SRRT: variants seen among roughly 807,000 people sequenced by gnomAD.
The protein encoded by SRRT is serrate, RNA effector molecule.
SRRT carries 32 observed loss-of-function variants against 103.2 expected under a neutral mutation model. That is an observed-to-expected ratio of 0.31 (90% CI 0.23 to 0.42). SRRT has a LOEUF of 0.42. Among genes scored for constraint, SRRT ranks in the 10% least tolerant of loss-of-function variants. The pLI, the probability that SRRT is intolerant of heterozygous loss-of-function variation, is 1.00. For missense variants in SRRT, 986 were observed against 1,207.5 expected, an observed-to-expected ratio of 0.82 and a Z score of 2.72; for synonymous variants, 525 against 449.0, an observed-to-expected ratio of 1.17 and a Z score of -2.14.
At position 100,886,805 on chromosome 7, in the gene SRRT, C is replaced by G; in HGVS notation, c.1658C>G (p.Ser553Trp). The change falls in exon 14 of 20, where the codon TCG becomes TGG. Residue 553 changes from serine (S) to tryptophan (W), a missense_variant. Physicochemically the swap from Ser to Trp is radical, Grantham distance 177. Coordinates refer to ENST00000611405, the MANE Select transcript of SRRT (RefSeq NM_015908.6). ...TCTTCCTCCCATCAGAGCCTGCCCT[C>G]GCAAAACCCGATCTTGAAGAATATC... is the stretch of plus-strand genomic sequence containing the variant. Reference protein sequence around the residue: ...GTPPLPTSLPSQNPILKNITD... With the variant: ...GTPPLPTSLPWQNPILKNITD... The G allele has an allele frequency of 6.2e-7, 1 of 1,614,122 alleles. No individual in the cohort carries two copies. Among genetic ancestry groups the G allele is most frequent in the Non-Finnish European group, 8.5e-7 (1 of 1,180,016 alleles).
In SRRT at chr7:100,885,023, A is replaced by G; in HGVS notation, c.1142A>G (p.Glu381Gly). The change falls in exon 9 of 20, where the codon GAG becomes GGG. Residue 381 changes from glutamate (E) to glycine (G), a missense_variant. Around this residue, in one of 6 missense-constraint regions of SRRT, gnomAD observed 166 missense variants for 148.6 expected, o/e 1.12. Transcript: ENST00000611405. This position sits in a 1 kb window ranked among gnomAD's most constrained non-coding sequence, Gnocchi z 4.8. ...ESESESGQAEEEKEEAEEALK... is the reference protein window; with the variant it reads ...ESESESGQAEGEKEEAEEALK... ...GAGTCAGAGAGCGGCCAGGCTGAGG[A>G]GGAGAAGGAGGAGGCCGGTAGGGTT... 1 of 1,613,826 alleles carries G rather than the reference A, an allele frequency of 6.2e-7. No individual in the cohort carries two copies. Among genetic ancestry groups the G allele is most frequent in the South Asian group, 1.1e-5 (1 of 91,072 alleles).
chr7:100,885,784 A>T lies in SRRT; in HGVS notation c.1379+22A>T. 6.2e-7 allele frequency: 1 copy of T among 1,614,032 alleles called. No homozygotes were observed. The highest frequency in any genetic ancestry group is 1.1e-5 in the South Asian group (1 of 91,084). ...GGAGGTGAGTAACTCGGTGCGTTGG[A>T]GGGAAAAGTGCAGGGGAACGTTAAT... On this transcript the variant is annotated intron_variant, in intron 11 of 19. Coordinates refer to ENST00000611405, the MANE Select transcript of SRRT (RefSeq NM_015908.6). The surrounding 1 kb of genome is among the most constrained non-coding windows in gnomAD (Gnocchi z 4.8).
In SRRT at chr7:100,887,285, T is replaced by C. The variant is rs1426003407; in HGVS notation, c.1976-35T>C. On this transcript the variant is annotated intron_variant, in intron 15 of 19. Coordinates refer to ENST00000611405, the MANE Select transcript of SRRT (RefSeq NM_015908.6). This position sits in a 1 kb window ranked among gnomAD's most constrained non-coding sequence, Gnocchi z 4.1. ...GCCACCATCCTTCCTTCTGGCTCCC[T>C]TGCCAACCTTCCTTCCTCTGTTCCC... 1 of 1,610,386 alleles carries C rather than the reference T, an allele frequency of 6.2e-7. No homozygotes were observed. The highest frequency in any genetic ancestry group is 8.5e-7 in the Non-Finnish European group (1 of 1,177,256).
In SRRT at chr7:100,881,375, C is replaced by T. The variant is rs9735; in HGVS notation, c.213C>T (p.His71=). The change falls in exon 3 of 20, where the codon CAC becomes CAT. Residue 71 remains histidine, a synonymous_variant. Transcript: ENST00000611405. ...GAGAGCGCTTCTCGCCACCTCGCCACGAACTCAGCCCGCCACAGAAGCGCA... is the reference window on the plus strand; with the variant it reads ...GAGAGCGCTTCTCGCCACCTCGCCATGAACTCAGCCCGCCACAGAAGCGCA... ...NRRERFSPPR[H]ELSPPQKRMR... 70 of 1,608,864 alleles carry T rather than the reference C, an allele frequency of 4.4e-5. No individual in the cohort carries two copies. The highest frequency in any genetic ancestry group is 1.2e-4 in the South Asian group (11 of 90,706).
At position 100,885,603 on chromosome 7, in the gene SRRT, G is replaced by C. The variant is rs767262343; in HGVS notation, c.1318-98G>C. On this transcript the variant is annotated intron_variant, in intron 10 of 19. Transcript: ENST00000611405. The surrounding 1 kb of genome is among the most constrained non-coding windows in gnomAD (Gnocchi z 4.8). The stretch of plus-strand genomic sequence containing the variant: ...TGCCCAAGGATGGGAAGAGTGATAA[G>C]GCAGTTAGTCCCTAGGGTTCTGAGG... The C allele has an allele frequency of 1.6e-5, 21 of 1,317,860 alleles. No individual in the cohort carries two copies. Among genetic ancestry groups the C allele is most frequent in the Non-Finnish European group, 2.1e-5 (20 of 935,920 alleles). The allele number at this position is 1,317,860 out of a possible 1,614,324, so 81.6% of individuals were successfully genotyped here.
intron 1 of SRRT, 88 bp downstream of exon 1, chr7:100,875,416 A>G (rs1335058533): frequency 2.8e-6 from 4 of 1,434,004 alleles, no homozygotes; most frequent in Non-Finnish European, 2.7e-6. Flanking sequence ...ACTCGGGGCG[A>G]GTGGAGGTGT....
chr7:100,885,605 C>A lies in SRRT; in HGVS notation c.1318-96C>A. On this transcript the variant is annotated intron_variant, in intron 10 of 19. Coordinates refer to ENST00000611405, the MANE Select transcript of SRRT (RefSeq NM_015908.6). The surrounding 1 kb of genome is among the most constrained non-coding windows in gnomAD (Gnocchi z 4.8). ...CCCAAGGATGGGAAGAGTGATAAGG[C>A]AGTTAGTCCCTAGGGTTCTGAGGGC... 7.6e-7 allele frequency: 1 copy of A among 1,322,142 alleles called. No individual in the cohort carries two copies. The highest frequency in any genetic ancestry group is 1.1e-6 in the Non-Finnish European group (1 of 939,770). 81.9% of individuals were successfully genotyped at this position (1,322,142 alleles called of 1,614,324 possible).
intron 4 of SRRT, 100 bp downstream of exon 4, chr7:100,881,905 A>G: frequency 2.7e-6 from 4 of 1,484,212 alleles, no homozygotes; most frequent in Non-Finnish European, 3.6e-6. Context: ...AGGCACACAG[A>G]GGCATGTCCC....
At chr7:100,877,560 C>T (rs1468926210) in intron 2 of SRRT, among the ~76,000 whole-genome samples, 1 of 151,388 alleles carries the variant, frequency 6.6e-6, no homozygotes, top group Non-Finnish European at 1.5e-5. Flanking sequence ...CTTGCTCTGT[C>T]ACCCAGGCTG....
In SRRT at chr7:100,888,418, C is replaced by T. The variant is rs759350046; in HGVS notation, c.2555+35C>T. Reference sequence around the variant, plus strand: ...GCAGACGCCCAAGCTTTGTTGCCGCCTGCAGACTCCCTTTTGGGAGCCCTC... The same window carrying T: ...GCAGACGCCCAAGCTTTGTTGCCGCTTGCAGACTCCCTTTTGGGAGCCCTC... On this transcript the variant is annotated intron_variant, in intron 19 of 19. Coordinates refer to ENST00000611405, the MANE Select transcript of SRRT (RefSeq NM_015908.6). The T allele has an allele frequency of 5.6e-6, 9 of 1,612,602 alleles. No individual in the cohort carries two copies. In the African/African-American group the frequency reaches 6.7e-5, roughly 12 times the overall value.
chr7:100,879,916 G>A (rs1286070326), intron 2 of SRRT, among the ~76,000 whole-genome samples: 2 of 152,198 alleles, frequency 1.3e-5, no homozygotes, highest in Non-Finnish European at 2.9e-5. Context: ...CGAGAGGCTG[G>A]AGTGACAGCC....
chr7:100,884,187 CCTT>C lies in SRRT; in HGVS notation c.708_710del (p.Leu238del), dbSNP rs1789852323. The stretch of plus-strand genomic sequence containing the variant: ...TCATGGAGACTGGCTGGTTTGATAA[CCTT>C]CTCCTGGACATAGACAAAGCTGATG... On this transcript the variant is annotated inframe_deletion, in exon 6 of 20. Transcript: ENST00000611405. 1.2e-6 allele frequency: 2 copies of C among 1,614,114 alleles called. No homozygotes were observed. Among genetic ancestry groups the C allele is most frequent in the Non-Finnish European group, 1.7e-6 (2 of 1,180,002 alleles).
chr7:100,884,698 G>A (rs1234505602), intron 7 of SRRT, 42 bp from the exon 8 acceptor site: 1 of 1,593,436 alleles, frequency 6.3e-7, no homozygotes, highest in South Asian at 1.1e-5. Flanking sequence ...ATAAAGGTGG[G>A]AGGGGAGGTT....
intron 2 of SRRT, among the ~76,000 whole-genome samples, chr7:100,878,965 ATTCT>A (rs1321288118): frequency 2.2e-5 from 2 of 91,036 alleles, no homozygotes; most frequent in Non-Finnish European, 4.7e-5. Flanking sequence ...TCTTTCTTTC[ATTCT>A]TTCTTTCAGA....
intron 2 of SRRT, chr7:100,876,021 C>G (rs1815660003): frequency 1.3e-5 from 4 of 316,250 alleles, no homozygotes; most frequent in Non-Finnish European, 2.5e-5. Flanking sequence ...TCTTGTTCTG[C>G]TGCCCTGGCT....
Position 100,885,984 on chromosome 7 carries a change from T to G in SRRT, c.1458+43T>G, listed in dbSNP as rs1790056143. The G allele has an allele frequency of 6.3e-7, 1 of 1,594,670 alleles. No individual in the cohort carries two copies. Among genetic ancestry groups the G allele is most frequent in the South Asian group, 1.1e-5 (1 of 88,470 alleles). ...GACTGTGGGGAAGAGGAAGGGAGAC[T>G]CTGTGCCACACGGGACCTCTGTGTG... is the stretch of plus-strand genomic sequence containing the variant. On this transcript the variant is annotated intron_variant, in intron 12 of 19. Transcript: ENST00000611405. This position sits in a 1 kb window ranked among gnomAD's most constrained non-coding sequence, Gnocchi z 4.8.
At chr7:100,884,324 A>G (rs1789870365) in intron 6 of SRRT, 44 bp from the exon 7 acceptor site, 1 of 1,610,746 alleles carries the variant, frequency 6.2e-7, no homozygotes, top group African/African-American at 1.3e-5. Context: ...GGTTGACAGG[A>G]GCCAGGGCCC....
Position 100,888,244 on chromosome 7 carries a change from ATC to A in SRRT, c.2429-9_2429-8del, listed in dbSNP as rs780824831. 1.2e-6 allele frequency: 2 copies of A among 1,605,226 alleles called. No homozygotes were observed. Among genetic ancestry groups the A allele is most frequent in the Non-Finnish European group, 1.7e-6 (2 of 1,174,026 alleles). On this transcript the variant is annotated splice_polypyrimidine_tract_variant and intron_variant, in intron 18 of 19. Transcript: ENST00000611405. ...GACATAGTTTTGCAACTCAACACTG[ATC>A]TCTGTCATAGCTGGTGCTGTCCGCC...
chr7:100,881,342 G>T lies in SRRT; in HGVS notation c.180G>T (p.Arg60=). Residue 60 remains arginine, a synonymous_variant, in exon 3 of 20, where the codon CGG becomes CGT. Transcript: ENST00000611405. ...GGGGTGAATATCGGGACTATGACCG[G>T]AATCGGCGAGAGCGCTTCTCGCCAC... is the stretch of plus-strand genomic sequence containing the variant. The part of the protein sequence containing the change: ...RSRGEYRDYD[R]NRRERFSPPR... 1 of 1,613,666 alleles carries T rather than the reference G, an allele frequency of 6.2e-7. No homozygotes were observed. The highest frequency in any genetic ancestry group is 1.1e-5 in the South Asian group (1 of 91,076).
Sources: allele counts gnomAD v4.1 joint callset (sites outside exome capture counted in the v4.1 genomes callset), GRCh38; gene constraint gnomAD v4.1.1; regional missense constraint gnomAD v4.1.1; non-coding constraint Gnocchi (gnomAD v3.1); transcripts MANE v1.5; gene names NCBI Gene and HGNC (gene_info 2026-07-23, HGNC 2026-07-21).